Variants in RXRA observed in about 807,000 individuals in gnomAD.
RXRA encodes retinoid X receptor alpha.
RXRA carries 5 observed loss-of-function variants against 44.5 expected under a neutral mutation model. The observed-to-expected ratio is 0.11, with a 90% CI of 0.06 to 0.24. The LOEUF is 0.24. Among genes scored for constraint, RXRA ranks in the 10% least tolerant of loss-of-function variants. The pLI, the probability that RXRA is intolerant of heterozygous loss-of-function variation, is 1.00. For missense variants in RXRA, 412 were observed against 646.5 expected (o/e 0.64, Z 3.93); for synonymous variants, 291 against 271.4 (o/e 1.07, Z -0.71).
intron 5 of RXRA, among the ~76,000 whole-genome samples, chr9:134,418,951 C>T (rs554394124): frequency 1.1e-3 from 160 of 152,326 alleles, no homozygotes; most frequent in African/African-American, 3.5e-3. Context: ...TGGGTCAGGG[C>T]CACCCTGCTT....
chr9:134,391,303 G>A (rs566312749), intron 1 of RXRA, among the ~76,000 whole-genome samples: 1 of 152,206 alleles, frequency 6.6e-6, no homozygotes, highest in Non-Finnish European at 1.5e-5. Flanking sequence ...CCAGGTGGCC[G>A]TGCACATGAA....
At chr9:134,418,804 C>T (rs561033284) in intron 5 of RXRA, among the ~76,000 whole-genome samples, 2 of 152,332 alleles carry the variant, frequency 1.3e-5, no homozygotes, top group East Asian at 3.9e-4. Flanking sequence ...CTGGTGATGG[C>T]TGTGCTGCTC....
intron 4 of RXRA, among the ~76,000 whole-genome samples, chr9:134,410,106 A>C (rs1307013499): frequency 1.3e-4 from 20 of 152,214 alleles, no homozygotes. Flanking sequence ...ATGTCTTCTC[A>C]GCCTTAACGG....
In RXRA at chr9:134,417,801, G is replaced by C. The variant is rs1220222260; in HGVS notation, c.780+474G>C. ...CCGTGTGGCCCTGGGCAGGTGCCCG[G>C]CAGTCGCGGTGGCTGCTGTTGATAC... On this transcript the variant is annotated intron_variant, in intron 5 of 9. Coordinates refer to ENST00000481739, the MANE Select transcript of RXRA (RefSeq NM_002957.6). This position sits in a 1 kb window ranked among gnomAD's most constrained non-coding sequence, Gnocchi z 6.1. 1.3e-5 allele frequency among the ~76,000 whole-genome samples: 2 copies of C among 152,116 alleles called. No homozygotes were observed. The highest frequency in any genetic ancestry group is 4.8e-5 in the African/African-American group (2 of 41,416).
intron 4 of RXRA, among the ~76,000 whole-genome samples, chr9:134,409,620 A>C (rs1464826877): frequency 6.6e-6 from 1 of 152,132 alleles, no homozygotes; most frequent in East Asian, 1.9e-4. Context: ...CAAAATTGTC[A>C]AGTCATCCAG....
chr9:134,424,975 T>G, intron 6 of RXRA: 1 of 985,444 alleles, frequency 1.0e-6, no homozygotes, highest in Non-Finnish European at 1.2e-6. Context: ...GTGTTCCCAG[T>G]GCTGGTGGGG....
At position 134,395,738 on chromosome 9, in the gene RXRA, C is replaced by T. The variant is rs531993059; in HGVS notation, c.29-5894C>T. On this transcript the variant is annotated intron_variant, in intron 1 of 9. Coordinates refer to ENST00000481739, the MANE Select transcript of RXRA (RefSeq NM_002957.6). The stretch of plus-strand genomic sequence containing the variant: ...CAGGGAGCTCCATCATCCGACCCTG[C>T]TTTGGGGCCCTCAGGCTCCTGTGGA... 5.2e-5 allele frequency among the ~76,000 whole-genome samples: 8 copies of T among 152,390 alleles called. No homozygotes were observed. The South Asian group carries it at 1.7e-3, about 32-fold the overall frequency.
chr9:134,374,583 C>T (rs1203919291), intron 1 of RXRA, among the ~76,000 whole-genome samples: 1 of 152,248 alleles, frequency 6.6e-6, no homozygotes, highest in Non-Finnish European at 1.5e-5. Context: ...ACCAAACCCC[C>T]ACAACCTCCA....
In RXRA at chr9:134,349,119, G is replaced by A. The variant is rs1047568324; in HGVS notation, c.28+22460G>A. Among the ~76,000 whole-genome samples the A allele has an allele frequency of 1.3e-5, 2 of 152,204 alleles. No individual in the cohort carries two copies. Among genetic ancestry groups the A allele is most frequent in the Non-Finnish European group, 2.9e-5 (2 of 68,030 alleles). On this transcript the variant is annotated intron_variant, in intron 1 of 9. Coordinates refer to ENST00000481739, the MANE Select transcript of RXRA (RefSeq NM_002957.6). This position sits in a 1 kb window ranked among gnomAD's most constrained non-coding sequence, Gnocchi z 4.3. The stretch of plus-strand genomic sequence containing the variant: ...GACTTGTGCTGTCCCTGAACTCACC[G>A]AGGGCCAGGAGGGGTCCTGAACACT...
chr9:134,424,482 G>A (rs1375628654), intron 6 of RXRA: 6 of 985,458 alleles, frequency 6.1e-6, no homozygotes, highest in South Asian at 9.4e-5. Context: ...TTCGAGGGCC[G>A]CATGGTGAGG....
At chr9:134,377,972 G>T (rs1830583695) in intron 1 of RXRA, among the ~76,000 whole-genome samples, 1 of 152,242 alleles carries the variant, frequency 6.6e-6, no homozygotes, top group African/African-American at 2.4e-5. Context: ...GCTGGGGCAG[G>T]TTATGTGCAG....
chr9:134,381,639 T>A (rs935733007), intron 1 of RXRA, among the ~76,000 whole-genome samples: 1 of 151,542 alleles, frequency 6.6e-6, no homozygotes, highest in Non-Finnish European at 1.5e-5. Context: ...GTACAGAGGG[T>A]GGTGCTGGCC....
intron 1 of RXRA, among the ~76,000 whole-genome samples, chr9:134,377,839 C>T (rs1304113896): frequency 6.6e-6 from 1 of 152,254 alleles, no homozygotes; most frequent in Non-Finnish European, 1.5e-5. Context: ...CCCCTCCACA[C>T]CCACCTCCAT....
Position 134,347,443 on chromosome 9 carries a change from G to A in RXRA, c.28+20784G>A, listed in dbSNP as rs151014469. Among the ~76,000 whole-genome samples, 396 of 152,312 alleles carry A rather than the reference G, an allele frequency of 2.6e-3. 2 individuals are homozygous for A. The highest frequency in any genetic ancestry group is 0.012 in the East Asian group (62 of 5,178). Reference sequence around the variant, plus strand: ...CTGCCTGGGAGGCAGACACCGTGCCGTCCACCCTGATGGGGGCCGCAGTGT... The same window carrying A: ...CTGCCTGGGAGGCAGACACCGTGCCATCCACCCTGATGGGGGCCGCAGTGT... On this transcript the variant is annotated intron_variant, in intron 1 of 9. Transcript: ENST00000481739.
rs182687702 is a variant in RXRA at position 134,426,654 on chromosome 9, C to T, written c.911-2454C>T. On this transcript the variant is annotated intron_variant, in intron 6 of 9. Transcript: ENST00000481739. The surrounding 1 kb of genome is among the most constrained non-coding windows in gnomAD (Gnocchi z 4.6). ...GCTGGGCACACCAGAGTTTCAGAGG[C>T]GAGTCTACCCTGGTGCCTGCTGGGT... is the stretch of plus-strand genomic sequence containing the variant. The T allele has an allele frequency of 8.1e-6, 8 of 985,380 alleles. No individual in the cohort carries two copies. In the East Asian group the frequency reaches 3.4e-4, roughly 42 times the overall value. The allele number at this position is 985,380 out of a possible 1,614,324, so 61.0% of individuals were successfully genotyped here.
In RXRA at chr9:134,407,714, G is replaced by A. The variant is rs1831076919; in HGVS notation, c.280-435G>A. 6.6e-6 allele frequency among the ~76,000 whole-genome samples: 1 copy of A among 152,112 alleles called. No individual in the cohort carries two copies. The highest frequency in any genetic ancestry group is 6.5e-5 in the Admixed American group (1 of 15,284). ...CCTCCGTCCTGGGAACTGGGCTTCGGCGTCCTCATGTGTGGGTTGGGACCC... is the reference window on the plus strand; with the variant it reads ...CCTCCGTCCTGGGAACTGGGCTTCGACGTCCTCATGTGTGGGTTGGGACCC... On this transcript the variant is annotated intron_variant, in intron 2 of 9. Transcript: ENST00000481739. This position sits in a 1 kb window ranked among gnomAD's most constrained non-coding sequence, Gnocchi z 4.8.
intron 5 of RXRA, among the ~76,000 whole-genome samples, chr9:134,421,032 A>G (rs1780997934): frequency 6.6e-6 from 1 of 152,174 alleles, no homozygotes; most frequent in Non-Finnish European, 1.5e-5. Flanking sequence ...CTTGGCCATC[A>G]GAGATGAAGG....
At chr9:134,346,155 C>A (rs542307481) in intron 1 of RXRA, among the ~76,000 whole-genome samples, 4 of 152,256 alleles carry the variant, frequency 2.6e-5, no homozygotes, top group Admixed American at 2.0e-4. Context: ...ATTCTAAGCA[C>A]CTGATCAGGA....
intron 6 of RXRA, chr9:134,425,900 G>T: frequency 1.0e-6 from 1 of 985,420 alleles, no homozygotes; most frequent in Non-Finnish European, 1.2e-6. Context: ...CCCTTGTGCT[G>T]CGGAAGTGGT....
Sources: gnomAD v4.1 joint callset for allele counts (sites outside exome capture counted in the v4.1 genomes callset) on GRCh38, gnomAD v4.1.1 for gene constraint, Gnocchi (gnomAD v3.1) non-coding constraint, MANE v1.5 for transcripts, NCBI Gene and HGNC (gene_info 2026-07-23, HGNC 2026-07-21) for gene names.